The following ZNF33A variants were observed in gnomAD, a reference collection of about 807,000 sequenced individuals.
The protein encoded by ZNF33A is zinc finger protein 33A.
In ZNF33A, 9 loss-of-function variants were observed where a neutral mutation model predicts 15.9. The ratio of observed to expected loss-of-function variants is 0.57; its 90% confidence interval spans 0.34 to 0.99. The LOEUF is 0.99. Among genes scored for constraint, ZNF33A ranks in the 50% least tolerant of loss-of-function variants. The probability of loss-of-function intolerance (pLI) is 0.02; values close to 1 mark genes in which losing one functional copy is unlikely to be tolerated. For missense variants in ZNF33A, 843 were observed against 941.6 expected, an observed-to-expected ratio of 0.90 and a Z score of 1.37; for synonymous variants, 294 against 324.2, an observed-to-expected ratio of 0.91 and a Z score of 1.00.
At chr10:38,015,438 C>T (rs931614251) in intron 2 of ZNF33A, among the ~76,000 whole-genome samples, 7 of 151,988 alleles carry the variant, frequency 4.6e-5, no homozygotes, top group South Asian at 4.1e-4. Context: ...GGTGTCTCAG[C>T]GGGTGTCTCA....
rs1260996401 is a variant in ZNF33A at position 38,057,265 on chromosome 10, G to T, written c.*705G>T. 4.1e-6 allele frequency: 4 copies of T among 984,890 alleles called. No individual in the cohort carries two copies. The African/African-American group carries it at 5.2e-5, about 13-fold the overall frequency. The allele number at this position is 984,890 out of a possible 1,614,324, so 61.0% of individuals were successfully genotyped here. On this transcript the variant is annotated 3_prime_UTR_variant, in exon 5 of 5. Transcript: ENST00000432900. ...AGGATTACAAAGGATTTAGCCTCAAGTAGTTCCCTTTTTGTATTAATAACC... is the reference window on the plus strand; with the variant it reads ...AGGATTACAAAGGATTTAGCCTCAATTAGTTCCCTTTTTGTATTAATAACC...
At chr10:38,023,185 C>G (rs566764955) in intron 4 of ZNF33A, among the ~76,000 whole-genome samples, 1 of 152,284 alleles carries the variant, frequency 6.6e-6, no homozygotes, top group African/African-American at 2.4e-5. Context: ...ACCTCATGAT[C>G]TGTCCACGTT....
chr10:38,012,248 G>A, intron 1 of ZNF33A, 50 bp from the exon 2 acceptor site: 1 of 1,590,414 alleles, frequency 6.3e-7, no homozygotes, highest in Non-Finnish European at 8.6e-7. Context: ...TCCAGGAGTT[G>A]CCAGGCAGGC....
intron 4 of ZNF33A, among the ~76,000 whole-genome samples, chr10:38,031,337 A>G (rs899606311): frequency 4.6e-5 from 7 of 152,146 alleles, no homozygotes; most frequent in African/African-American, 1.7e-4. Flanking sequence ...TGGGAGGCCA[A>G]GGTGGGTGGA....
intron 4 of ZNF33A, among the ~76,000 whole-genome samples, chr10:38,018,218 G>C (rs2064558628): frequency 6.6e-6 from 1 of 152,234 alleles, no homozygotes; most frequent in African/African-American, 2.4e-5. Flanking sequence ...AAGCAAGTTA[G>C]ATTGGCTGAA....
intron 4 of ZNF33A, among the ~76,000 whole-genome samples, chr10:38,046,312 G>A (rs1047003094): frequency 6.6e-6 from 1 of 152,134 alleles, no homozygotes; most frequent in Non-Finnish European, 1.5e-5. Flanking sequence ...AAGAATCAAA[G>A]GGAACAGTAC....
rs892683477 is a variant in ZNF33A, at chr10:38,013,372, G to A, written c.9+1022G>A. The stretch of plus-strand genomic sequence containing the variant: ...GATCTGCTCTCCTCAGCCTCCCAAA[G>A]TGCTGGGATTACAGGCGTGAGCCAC... On this transcript the variant is annotated intron_variant, in intron 2 of 4. Transcript: ENST00000432900. 2.6e-5 allele frequency among the ~76,000 whole-genome samples: 4 copies of A among 151,766 alleles called. No individual in the cohort carries two copies. In the East Asian group the frequency reaches 7.8e-4, roughly 30 times the overall value.
intron 4 of ZNF33A, among the ~76,000 whole-genome samples, chr10:38,043,456 C>A (rs1590640245): frequency 6.6e-6 from 1 of 151,604 alleles, no homozygotes; most frequent in East Asian, 1.9e-4. Flanking sequence ...ATATAACAAA[C>A]CTGCACGTTG....
chr10:38,029,758 G>A (rs773980664), intron 4 of ZNF33A, among the ~76,000 whole-genome samples: 3 of 152,168 alleles, frequency 2.0e-5, no homozygotes, highest in Non-Finnish European at 4.4e-5. Flanking sequence ...TGCCATTTAA[G>A]TTGGCAGAAA....
At chr10:38,014,035 A>ATTT (rs10658326) in intron 2 of ZNF33A, among the ~76,000 whole-genome samples, 7,305 of 80,188 alleles carry the variant, frequency 0.091, 2,126 homozygotes, top group Non-Finnish European at 0.11. Context: ...ATGATGTCTG[A>ATTT]TTTTTTTTTT....
rs190070260 is a variant in ZNF33A, at chr10:38,019,435, G to A, written c.250+2049G>A. On this transcript the variant is annotated intron_variant, in intron 4 of 4. Coordinates refer to ENST00000432900, the MANE Select transcript of ZNF33A (RefSeq NM_006954.2). ...AGTCTTTGCTATTGTGAATAGTGCC[G>A]CTATAAACATACGTGTGCATGTGTC... Among the ~76,000 whole-genome samples the A allele has an allele frequency of 2.8e-3, 424 of 152,124 alleles. 7 individuals carry two copies. Among genetic ancestry groups the A allele is most frequent in the Admixed American group, 0.021 (323 of 15,276 alleles).
chr10:38,049,701 A>G (rs987329693), intron 4 of ZNF33A, among the ~76,000 whole-genome samples: 5 of 152,194 alleles, frequency 3.3e-5, no homozygotes, highest in African/African-American at 1.2e-4. Flanking sequence ...GAGAATGTAG[A>G]AAAGAAGACA....
intron 4 of ZNF33A, among the ~76,000 whole-genome samples, chr10:38,036,832 C>A (rs2065474627): frequency 6.6e-6 from 1 of 152,196 alleles, no homozygotes; most frequent in African/African-American, 2.4e-5. Context: ...GGAGAAAATT[C>A]TAGAGAACTC....
intron 4 of ZNF33A, among the ~76,000 whole-genome samples, chr10:38,030,342 A>G (rs529044835): frequency 3.3e-5 from 5 of 152,310 alleles, no homozygotes; most frequent in Admixed American, 2.0e-4. Flanking sequence ...AATAATCCAG[A>G]TGTTCTTGAA....
At chr10:38,039,187 G>GTTTTTTT (rs138929289) in intron 4 of ZNF33A, among the ~76,000 whole-genome samples, 1 of 148,102 alleles carries the variant, frequency 6.8e-6, no homozygotes, top group African/African-American at 2.5e-5. Flanking sequence ...ATGGACCTGG[G>GTTTTTTT]TTTTTTTTTT....
chr10:38,039,209 G>A (rs2065586258), intron 4 of ZNF33A, among the ~76,000 whole-genome samples: 1 of 149,664 alleles, frequency 6.7e-6, no homozygotes, highest in Admixed American at 6.6e-5. Flanking sequence ...TTTTTGTAAT[G>A]GGAAGTTTTC....
In ZNF33A at chr10:38,056,381, A is replaced by G. The variant is rs754479748; in HGVS notation, c.2257A>G (p.Thr753Ala). ...HTGEKPYECNTCRKTFSQKSN... is the reference protein window; with the variant it reads ...HTGEKPYECNACRKTFSQKSN... ...AGGGGAAAAGCCCTATGAATGTAACACATGCAGGAAAACTTTCTCTCAAAA... is the reference window on the plus strand; with the variant it reads ...AGGGGAAAAGCCCTATGAATGTAACGCATGCAGGAAAACTTTCTCTCAAAA... Residue 753 changes from threonine (T) to alanine (A), a missense_variant, in exon 5 of 5, where the codon ACA becomes GCA. Physicochemically the swap from Thr to Ala is moderately conservative, Grantham distance 58 (BLOSUM62 0). Transcript: ENST00000432900. The G allele has an allele frequency of 2.7e-5, 43 of 1,614,152 alleles. No homozygotes were observed. In the South Asian group the frequency reaches 4.7e-4, roughly 18 times the overall value.
intron 1 of ZNF33A, among the ~76,000 whole-genome samples, chr10:38,011,522 C>T (rs2135520261): frequency 6.6e-6 from 1 of 152,192 alleles, no homozygotes; most frequent in East Asian, 1.9e-4. Flanking sequence ...TTACAGGTAG[C>T]CAAGATCGCA....
At chr10:38,052,978 A>G (rs1166007599) in intron 4 of ZNF33A, among the ~76,000 whole-genome samples, 3 of 151,500 alleles carry the variant, frequency 2.0e-5, no homozygotes, top group African/African-American at 7.2e-5. Flanking sequence ...CATATATACT[A>G]TATTATAATT....
Sources: allele counts gnomAD v4.1 joint callset (sites outside exome capture counted in the v4.1 genomes callset), GRCh38; gene constraint gnomAD v4.1.1; transcripts MANE v1.5; gene names NCBI Gene and HGNC (gene_info 2026-07-23, HGNC 2026-07-21).